Variants in LDAH observed in about 807,000 individuals in gnomAD.
LDAH encodes lipid droplet-associated hydrolase.
Under a neutral mutation model 29.6 loss-of-function variants are expected in LDAH, and 26 were observed. That is an observed-to-expected ratio of 0.88 (90% confidence interval 0.64 to 1.22). The LOEUF is 1.22. Among genes scored for constraint, LDAH ranks in the 50% most tolerant of loss-of-function variants. The pLI, the probability that LDAH is intolerant of heterozygous loss-of-function variation, is 0.00. For synonymous variants in LDAH, 117 were observed against 133.0 expected, an observed-to-expected ratio of 0.88 and a Z score of 0.83; for missense variants, 344 against 387.3, an observed-to-expected ratio of 0.89 and a Z score of 0.94.
intron 1 of LDAH, among the ~76,000 whole-genome samples, chr2:20,805,206 T>C (rs1671978029): frequency 6.6e-6 from 1 of 152,142 alleles, no homozygotes; most frequent in East Asian, 1.9e-4. Flanking sequence ...CAACTAGATA[T>C]GAAAATCAAG....
Position 20,710,986 on chromosome 2 carries a change from C to T in LDAH, c.704-9334G>A, listed in dbSNP as rs538233714. Reference sequence around the variant, plus strand: ...CCTATTCACATGTGCCCTTTAAAATCTGAGTTTTCTCTGGTTGGTTGCAGA... The same window carrying T: ...CCTATTCACATGTGCCCTTTAAAATTTGAGTTTTCTCTGGTTGGTTGCAGA... On this transcript the variant is annotated intron_variant, in intron 5 of 6. Coordinates refer to ENST00000237822, the MANE Select transcript of LDAH (RefSeq NM_021925.4). 8.5e-5 allele frequency among the ~76,000 whole-genome samples: 13 copies of T among 152,058 alleles called. No individual in the cohort carries two copies. The East Asian group carries it at 2.5e-3, about 29-fold the overall frequency.
chr2:20,711,267 A>T (rs978183106), intron 5 of LDAH, among the ~76,000 whole-genome samples: 16 of 152,074 alleles, frequency 1.1e-4, no homozygotes, highest in Admixed American at 7.2e-4. Flanking sequence ...GGGCGCCTGT[A>T]GTCCCAGCTA....
intron 1 of LDAH, among the ~76,000 whole-genome samples, chr2:20,811,358 G>T (rs970747731): frequency 2.6e-5 from 4 of 152,038 alleles, no homozygotes; most frequent in African/African-American, 4.8e-5. Context: ...TTCATTAATG[G>T]TGATCCTACT....
At chr2:20,700,214 G>T (rs1340235810) in intron 6 of LDAH, among the ~76,000 whole-genome samples, 2 of 152,172 alleles carry the variant, frequency 1.3e-5, no homozygotes, top group Non-Finnish European at 2.9e-5. Context: ...CTGGAGAGGG[G>T]GCCCTCCTGA....
At chr2:20,760,868 A>G (rs1337445384) in intron 4 of LDAH, among the ~76,000 whole-genome samples, 2 of 152,160 alleles carry the variant, frequency 1.3e-5, no homozygotes, top group African/African-American at 2.4e-5. Flanking sequence ...ATATCCACTT[A>G]TGGAGGGGAT....
At chr2:20,691,245 G>C (rs1250732564) in intron 6 of LDAH, among the ~76,000 whole-genome samples, 1 of 152,184 alleles carries the variant, frequency 6.6e-6, no homozygotes, top group Admixed American at 6.5e-5. Flanking sequence ...TGTGATCTCA[G>C]CTTACTGGAG....
At chr2:20,753,638 C>T (rs1668111705) in intron 4 of LDAH, among the ~76,000 whole-genome samples, 1 of 152,170 alleles carries the variant, frequency 6.6e-6, no homozygotes, top group Admixed American at 6.5e-5. Context: ...CTTATTACTT[C>T]ACACCTTAGT....
intron 4 of LDAH, among the ~76,000 whole-genome samples, chr2:20,750,212 G>C (rs910638057): frequency 3.9e-5 from 6 of 152,044 alleles, no homozygotes; most frequent in Non-Finnish European, 1.5e-5. Context: ...TTTTAGTAGA[G>C]ACGGGGTTTC....
chr2:20,715,332 C>T (rs546579329), intron 5 of LDAH, among the ~76,000 whole-genome samples: 4 of 152,142 alleles, frequency 2.6e-5, no homozygotes, highest in Non-Finnish European at 4.4e-5. Flanking sequence ...ATTCAACAGC[C>T]CTTCATGCTA....
At chr2:20,754,144 A>G (rs541183480) in intron 4 of LDAH, among the ~76,000 whole-genome samples, 2 of 152,138 alleles carry the variant, frequency 1.3e-5, no homozygotes, top group East Asian at 1.9e-4. Context: ...GGATATTGAC[A>G]TGAAAAAAAA....
chr2:20,735,843 C>G (rs1477276496), intron 5 of LDAH, among the ~76,000 whole-genome samples: 2 of 152,094 alleles, frequency 1.3e-5, no homozygotes, highest in East Asian at 3.9e-4. Context: ...TGACTCTGTA[C>G]TAGGCTTCCA....
intron 4 of LDAH, among the ~76,000 whole-genome samples, chr2:20,768,637 T>C (rs1038409045): frequency 2.0e-5 from 3 of 152,168 alleles, no homozygotes; most frequent in Non-Finnish European, 4.4e-5. Context: ...ACGAGCCCAG[T>C]GGGCCCGAGC....
chr2:20,802,731 T>C (rs1302936901), intron 1 of LDAH, among the ~76,000 whole-genome samples: 1 of 152,258 alleles, frequency 6.6e-6, no homozygotes, highest in Non-Finnish European at 1.5e-5. Flanking sequence ...TTTCTGCTTC[T>C]ATAACTTTGC....
intron 1 of LDAH, 118 bp from the exon 2 acceptor site, chr2:20,801,583 A>G (rs184148985): frequency 3.8e-5 from 30 of 786,506 alleles, no homozygotes; most frequent in Admixed American, 3.1e-4. Flanking sequence ...AAATGCCACA[A>G]GGACATCTGG....
At chr2:20,715,854 C>T (rs1027081118) in intron 5 of LDAH, among the ~76,000 whole-genome samples, 2 of 152,096 alleles carry the variant, frequency 1.3e-5, no homozygotes, top group African/African-American at 2.4e-5. Flanking sequence ...AGGAGAACTA[C>T]GAACCACTGC....
chr2:20,806,876 A>G (rs1672097369), intron 1 of LDAH, among the ~76,000 whole-genome samples: 1 of 151,796 alleles, frequency 6.6e-6, no homozygotes, highest in African/African-American at 2.4e-5. Context: ...GGCCTAAGGA[A>G]TTAGAAAAAA....
At chr2:20,725,327 T>C (rs955490187) in intron 5 of LDAH, among the ~76,000 whole-genome samples, 1 of 152,192 alleles carries the variant, frequency 6.6e-6, no homozygotes, top group Non-Finnish European at 1.5e-5. Context: ...TCTTGGGAGC[T>C]GAGATGAGCT....
intron 3 of LDAH, among the ~76,000 whole-genome samples, chr2:20,787,107 CA>C (rs1243457571): frequency 6.6e-6 from 1 of 152,142 alleles, no homozygotes; most frequent in African/African-American, 2.4e-5. Flanking sequence ...AGCAATTCAT[CA>C]AAATCACCAT....
At chr2:20,816,266 G>T (rs1485860638) in intron 1 of LDAH, among the ~76,000 whole-genome samples, 1 of 152,032 alleles carries the variant, frequency 6.6e-6, no homozygotes, top group Admixed American at 6.6e-5. Flanking sequence ...GCTGGCTTAA[G>T]CCCTAACACA....
Sources: allele counts gnomAD v4.1 joint callset (sites outside exome capture counted in the v4.1 genomes callset), GRCh38; gene constraint gnomAD v4.1.1; transcripts MANE v1.5; gene names NCBI Gene and HGNC (gene_info 2026-07-23, HGNC 2026-07-21).